The following SLC25A23 variants were observed in gnomAD, a reference collection of about 807,000 sequenced individuals.
SLC25A23 encodes the protein mitochondrial adenyl nucleotide antiporter SLC25A23.
SLC25A23 carries 32 observed loss-of-function variants against 53.9 expected under a neutral mutation model. The observed-to-expected ratio is 0.59, with a 90% CI of 0.45 to 0.80. The LOEUF is 0.80. SLC25A23 is among the 30% of genes least tolerant of loss of function. The pLI is 0.00. For synonymous variants in SLC25A23, 275 were observed against 264.5 expected (o/e 1.04, Z -0.38); for missense variants, 575 against 651.4 (o/e 0.88, Z 1.28).
At chr19:6,449,266 T>C (rs111538149) in intron 8 of SLC25A23, among the ~76,000 whole-genome samples, 1,893 of 151,638 alleles carry the variant, frequency 0.012, 44 homozygotes, top group African/African-American at 0.044. Flanking sequence ...TTTTTTTTTT[T>C]TTTTGAGACA....
chr19:6,442,835 A>G lies in SLC25A23; in HGVS notation c.1223-676T>C, dbSNP rs547315599. ...CAAAGTGCTGGGATTACAGGCGTGA[A>G]CCACCACACCCGGCCCTTGAACTCT... On this transcript the variant is annotated intron_variant, in intron 9 of 9. Coordinates refer to ENST00000301454, the MANE Select transcript of SLC25A23 (RefSeq NM_024103.3). Among the ~76,000 whole-genome samples the G allele has an allele frequency of 3.2e-4, 47 of 145,198 alleles. 1 individual carries two copies. In the South Asian group the frequency reaches 0.01, roughly 31 times the overall value.
At chr19:6,457,403 G>T in intron 3 of SLC25A23, 100 bp downstream of exon 3, 1 of 1,083,478 alleles carries the variant, frequency 9.2e-7, no homozygotes, top group Non-Finnish European at 1.4e-6. Context: ...CCTCTCAGCT[G>T]TATCCTCCTT....
intron 8 of SLC25A23, among the ~76,000 whole-genome samples, chr19:6,450,787 C>A (rs1373790997): frequency 6.6e-6 from 1 of 151,846 alleles, no homozygotes; most frequent in Non-Finnish European, 1.5e-5. Flanking sequence ...GTCCCTTGTT[C>A]AAAAATTATT....
Position 6,459,340 on chromosome 19 carries a change from A to C in SLC25A23, c.156+133T>G. On this transcript the variant is annotated intron_variant, in intron 1 of 9. Coordinates refer to ENST00000301454, the MANE Select transcript of SLC25A23 (RefSeq NM_024103.3). This position sits in a 1 kb window ranked among gnomAD's most constrained non-coding sequence, Gnocchi z 4.6. ...GGCCAAACACGAGTGGGTAGGGGGA[A>C]CGAGACAGAGACACAGGTTCTGGAG... 4 of 715,174 alleles carry C rather than the reference A, an allele frequency of 5.6e-6. No homozygotes were observed. The highest frequency in any genetic ancestry group is 3.4e-5 in the East Asian group (1 of 29,264). The allele number at this position is 715,174 out of a possible 1,614,324, so 44.3% of individuals were successfully genotyped here. A position where few individuals can be genotyped will look rare whatever the true frequency, so the allele number is the denominator to read the frequency against.
At chr19:6,437,734 A>G (rs1358555051), downstream of SLC25A23, among the ~76,000 whole-genome samples, 95 of 136,692 alleles carry the variant, frequency 6.9e-4, no homozygotes, top group Middle Eastern at 5.0e-3. Context: ...GCATGAACCC[A>G]GGAGGCGGAG....
chr19:6,453,308 T>C (rs1283387359), intron 7 of SLC25A23, among the ~76,000 whole-genome samples: 2 of 150,376 alleles, frequency 1.3e-5, no homozygotes, highest in Non-Finnish European at 3.0e-5. Context: ...GACATGATCT[T>C]GGCTCACTGC....
At chr19:6,450,098 T>C (rs1315620632) in intron 8 of SLC25A23, among the ~76,000 whole-genome samples, 1 of 151,954 alleles carries the variant, frequency 6.6e-6, no homozygotes, top group Non-Finnish European at 1.5e-5. Context: ...CCTCAGGTGA[T>C]CCACCGGCCT....
chr19:6,457,610 T>C lies in SLC25A23; in HGVS notation c.284-20A>G. 1 of 1,608,002 alleles carries C rather than the reference T, an allele frequency of 6.2e-7. No individual in the cohort carries two copies. Among genetic ancestry groups the C allele is most frequent in the Non-Finnish European group, 8.5e-7 (1 of 1,175,814 alleles). On this transcript the variant is annotated intron_variant, in intron 2 of 9. Coordinates refer to ENST00000301454, the MANE Select transcript of SLC25A23 (RefSeq NM_024103.3). Reference sequence around the variant, plus strand: ...TGTGACCTGGGGAGGGGGCCGGAGGTGGGGAAGGATGTGCGTGTGAGGACA... The same window carrying C: ...TGTGACCTGGGGAGGGGGCCGGAGGCGGGGAAGGATGTGCGTGTGAGGACA...
At chr19:6,458,676 T>C (rs1465138241) in intron 1 of SLC25A23, among the ~76,000 whole-genome samples, 1 of 152,224 alleles carries the variant, frequency 6.6e-6, no homozygotes, top group Admixed American at 6.5e-5. Flanking sequence ...GTTATTTTTT[T>C]AGGTATCTCA....
chr19:6,443,491 G>A (rs953498569), intron 9 of SLC25A23: 4 of 659,566 alleles, frequency 6.1e-6, no homozygotes, highest in African/African-American at 5.4e-5. Context: ...GCCTCCTAAA[G>A]TGCTGGGATT....
chr19:6,451,325 G>T (rs572020128), intron 8 of SLC25A23, among the ~76,000 whole-genome samples: 1 of 152,118 alleles, frequency 6.6e-6, no homozygotes, highest in South Asian at 2.1e-4. Flanking sequence ...GGAGATGTAG[G>T]TTGCAGTGAG....
chr19:6,456,296 T>C (rs1801998159), intron 4 of SLC25A23, 124 bp downstream of exon 4: 4 of 1,018,028 alleles, frequency 3.9e-6, no homozygotes, highest in Non-Finnish European at 5.8e-6. Context: ...CGTCAGCTGC[T>C]GCCAGTGCCT....
chr19:6,449,283 TG>T (rs1400294116), intron 8 of SLC25A23, among the ~76,000 whole-genome samples: 1 of 151,190 alleles, frequency 6.6e-6, no homozygotes, highest in East Asian at 1.9e-4. Context: ...GACAGGATCT[TG>T]CTCTGTTGCT....
chr19:6,446,922 C>T (rs753652192), intron 8 of SLC25A23, among the ~76,000 whole-genome samples: 13 of 151,670 alleles, frequency 8.6e-5, no homozygotes, highest in Non-Finnish European at 1.5e-4. Flanking sequence ...GAGACACACA[C>T]GGAGAAAGAC....
Position 6,457,700 on chromosome 19 carries a change from G to A in SLC25A23, c.284-110C>T, listed in dbSNP as rs2092700876. 6.3e-6 allele frequency: 6 copies of A among 949,728 alleles called. No homozygotes were observed. In the Admixed American group the frequency reaches 1.3e-4, roughly 20 times the overall value. The allele number at this position is 949,728 out of a possible 1,614,324, so 58.8% of individuals were successfully genotyped here. ...ATGGAGGTGGTCTAGCAAGATCAGG[G>A]GCTCCAGAAACCTAGGAGGAGGTTT... On this transcript the variant is annotated intron_variant, in intron 2 of 9. Transcript: ENST00000301454.
intron 4 of SLC25A23, 104 bp downstream of exon 4, chr19:6,456,316 G>A (rs2092681650): frequency 1.7e-6 from 2 of 1,182,724 alleles, no homozygotes; most frequent in Non-Finnish European, 1.2e-6. Flanking sequence ...TTCTCCTTCT[G>A]GAAAGTCCTG....
At chr19:6,444,125 GC>G in intron 9 of SLC25A23, 25 bp downstream of exon 9, 1 of 1,533,288 alleles carries the variant, frequency 6.5e-7, no homozygotes. Flanking sequence ...GACTCCCCCT[GC>G]CCCATCCTCC....
At position 6,442,158 on chromosome 19, in the gene SLC25A23, G is replaced by A. The variant is rs1357561021; in HGVS notation, c.1224C>T (p.Ala408=). ...ALVRTRMQAQ[A]SIEGGPQLSM... is the part of the protein sequence containing the mutation. ...ACAGCTGGGGGCCACCCTCGATGGA[G>A]GCTGGGAGGGGGCGGGGGGGGCACC... Residue 408 remains alanine, a splice_region_variant and synonymous_variant, in exon 10 of 10, where the codon GCC becomes GCT. Transcript: ENST00000301454. 6.5e-7 allele frequency: 1 copy of A among 1,534,470 alleles called. No individual in the cohort carries two copies. The highest frequency in any genetic ancestry group is 8.8e-7 in the Non-Finnish European group (1 of 1,139,110).
At chr19:6,450,993 C>G (rs1454446400) in intron 8 of SLC25A23, among the ~76,000 whole-genome samples, 2 of 146,360 alleles carry the variant, frequency 1.4e-5, no homozygotes, top group East Asian at 2.0e-4. Flanking sequence ...CAGGAGAATT[C>G]CTTGAACCTG....
Sources: gnomAD v4.1 joint callset for allele counts (sites outside exome capture counted in the v4.1 genomes callset) on GRCh38, gnomAD v4.1.1 for gene constraint, Gnocchi (gnomAD v3.1) non-coding constraint, MANE v1.5 for transcripts, NCBI Gene and HGNC (gene_info 2026-07-23, HGNC 2026-07-21) for gene names.